The following BMP6 variants were observed in gnomAD, a reference collection of about 807,000 sequenced individuals.
The protein encoded by BMP6 is bone morphogenetic protein 6.
Under a neutral mutation model 54.1 loss-of-function variants are expected in BMP6, and 17 were observed. The ratio of observed to expected loss-of-function variants is 0.31; its 90% CI spans 0.22 to 0.47. The LOEUF is 0.47. Among genes scored for constraint, BMP6 ranks in the 20% least tolerant of loss-of-function variants. The pLI, the probability that BMP6 is intolerant of heterozygous loss-of-function variation, is 1.00. For synonymous variants in BMP6, 328 were observed against 291.2 expected (o/e 1.13, Z -1.28); for missense variants, 720 against 690.4 (o/e 1.04, Z -0.48).
In BMP6 at chr6:7,735,066, G is replaced by A. The variant is rs7758246; in HGVS notation, c.664+7447G>A. Among the ~76,000 whole-genome samples the A allele has an allele frequency of 7.8e-3, 1,195 of 152,348 alleles. 16 individuals are homozygous for A. The highest frequency in any genetic ancestry group is 0.028 in the African/African-American group (1,148 of 41,582). ...TCACCAAAGAGCTCAGCTGGCCACG[G>A]GGGGAAGTGGAGTGGAGTGGATTCA... is the stretch of plus-strand genomic sequence containing the variant. On this transcript the variant is annotated intron_variant, in intron 1 of 6. Coordinates refer to ENST00000283147, the MANE Select transcript of BMP6 (RefSeq NM_001718.6).
intron 1 of BMP6, among the ~76,000 whole-genome samples, chr6:7,829,748 G>A (rs186271229): frequency 3.3e-5 from 5 of 152,242 alleles, no homozygotes; most frequent in Admixed American, 1.3e-4. Context: ...ACTGTTGGGC[G>A]TCTGCAGAGC....
At chr6:7,838,131 G>A (rs962724405) in intron 1 of BMP6, among the ~76,000 whole-genome samples, 2 of 152,102 alleles carry the variant, frequency 1.3e-5, no homozygotes, top group African/African-American at 4.8e-5. Flanking sequence ...GAAAACAGTT[G>A]AGTATAGTAT....
At chr6:7,833,593 G>C (rs1358892) in intron 1 of BMP6, among the ~76,000 whole-genome samples, 9,316 of 152,288 alleles carry the variant, frequency 0.061, 388 homozygotes, top group Non-Finnish European at 0.088. Flanking sequence ...TGTTAACTAT[G>C]ATAGGTGAGA....
chr6:7,741,033 C>T (rs1039187262), intron 1 of BMP6, among the ~76,000 whole-genome samples: 6 of 152,176 alleles, frequency 3.9e-5, no homozygotes, highest in Non-Finnish European at 5.9e-5. Context: ...CCCTGTCCAT[C>T]TCTTCTACTC....
intron 1 of BMP6, among the ~76,000 whole-genome samples, chr6:7,820,524 C>G (rs1048401710): frequency 1.3e-5 from 2 of 152,218 alleles, no homozygotes; most frequent in Non-Finnish European, 2.9e-5. Flanking sequence ...GGGGACCTTT[C>G]TAGCGCTCCA....
At chr6:7,789,858 G>C (rs993316444) in intron 1 of BMP6, among the ~76,000 whole-genome samples, 2 of 152,200 alleles carry the variant, frequency 1.3e-5, no homozygotes, top group East Asian at 1.9e-4. Flanking sequence ...GTGGGACCTA[G>C]AGACAGGCAG....
intron 1 of BMP6, among the ~76,000 whole-genome samples, chr6:7,826,745 T>G (rs978030004): frequency 1.3e-5 from 2 of 152,174 alleles, no homozygotes; most frequent in African/African-American, 4.8e-5. Flanking sequence ...TGAATCAAGA[T>G]GTAGCATGAT....
At chr6:7,734,996 G>A (rs1761930878) in intron 1 of BMP6, among the ~76,000 whole-genome samples, 1 of 152,226 alleles carries the variant, frequency 6.6e-6, no homozygotes, top group Non-Finnish European at 1.5e-5. Context: ...GGCCTAAAAT[G>A]TCCTTGCCAC....
At chr6:7,734,602 T>C (rs772367557) in intron 1 of BMP6, among the ~76,000 whole-genome samples, 2 of 152,238 alleles carry the variant, frequency 1.3e-5, no homozygotes, top group Non-Finnish European at 2.9e-5. Flanking sequence ...GAAAATGCTA[T>C]GTATATCTAT....
At chr6:7,744,314 A>C (rs1757316269) in intron 1 of BMP6, among the ~76,000 whole-genome samples, 1 of 152,176 alleles carries the variant, frequency 6.6e-6, no homozygotes. Context: ...TGTCTCTACC[A>C]AAAATACAAA....
At chr6:7,837,846 T>C (rs1758897974) in intron 1 of BMP6, among the ~76,000 whole-genome samples, 1 of 152,086 alleles carries the variant, frequency 6.6e-6, no homozygotes, top group African/African-American at 2.4e-5. Context: ...AAATTAAAAA[T>C]GGACAGACCT....
At chr6:7,851,864 T>C (rs926979505) in intron 2 of BMP6, among the ~76,000 whole-genome samples, 1 of 152,192 alleles carries the variant, frequency 6.6e-6, no homozygotes, top group Non-Finnish European at 1.5e-5. Flanking sequence ...GTGTCTGCCA[T>C]ATTAAATGAC....
intron 1 of BMP6, among the ~76,000 whole-genome samples, chr6:7,829,457 A>G (rs1352652317): frequency 6.6e-6 from 1 of 152,130 alleles, no homozygotes; most frequent in Non-Finnish European, 1.5e-5. Flanking sequence ...TAACCCCAGC[A>G]CTTTGGGAGG....
chr6:7,871,121 A>G (rs539922814), intron 4 of BMP6, among the ~76,000 whole-genome samples: 9 of 152,192 alleles, frequency 5.9e-5, no homozygotes, highest in Non-Finnish European at 1.2e-4. Context: ...AAAGCAGAAT[A>G]TTTTATCATG....
intron 1 of BMP6, among the ~76,000 whole-genome samples, chr6:7,794,952 A>G (rs1758171158): frequency 6.6e-6 from 1 of 152,216 alleles, no homozygotes; most frequent in African/African-American, 2.4e-5. Flanking sequence ...CCTATTCTAT[A>G]GAGAAATTTT....
rs770874492 is a variant in BMP6 at position 7,727,381 on chromosome 6, C to T, written c.426C>T (p.Ala142=). 1.3e-5 allele frequency: 21 copies of T among 1,608,768 alleles called. No individual in the cohort carries two copies. The highest frequency in any genetic ancestry group is 4.5e-5 in the East Asian group (2 of 44,676). Residue 142 remains alanine, a synonymous_variant, in exon 1 of 7, where the codon GCC becomes GCT. Transcript: ENST00000283147. ...TCTTCATGCTGGATCTGTACAACGC[C>T]CTGTCCGCCGACAACGACGAGGACG... ...APLFMLDLYN[A]LSADNDEDGA...
chr6:7,817,637 T>G (rs371073187), intron 1 of BMP6, among the ~76,000 whole-genome samples: 10 of 151,662 alleles, frequency 6.6e-5, no homozygotes, highest in African/African-American at 2.4e-4. Context: ...GATGAGTTAA[T>G]GGGTGCAGCA....
intron 1 of BMP6, among the ~76,000 whole-genome samples, chr6:7,783,590 G>T (rs772285107): frequency 6.6e-6 from 1 of 152,248 alleles, no homozygotes; most frequent in South Asian, 2.1e-4. Context: ...CGCCAAGGGC[G>T]CAATAACGTA....
chr6:7,754,646 G>T (rs1757484514), intron 1 of BMP6, among the ~76,000 whole-genome samples: 1 of 152,152 alleles, frequency 6.6e-6, no homozygotes, highest in African/African-American at 2.4e-5. Flanking sequence ...ATCTTTGTCT[G>T]AAATTAATAT....
Sources: gnomAD v4.1 joint callset for allele counts (sites outside exome capture counted in the v4.1 genomes callset) on GRCh38, gnomAD v4.1.1 for gene constraint, MANE v1.5 for transcripts, NCBI Gene and HGNC (gene_info 2026-07-23, HGNC 2026-07-21) for gene names.